Variants in NIM1K observed in about 807,000 individuals in gnomAD.
NIM1K encodes NIM1 serine/threonine protein kinase.
Under a neutral mutation model 37.1 loss-of-function variants are expected in NIM1K, and 35 were observed. That is an observed-to-expected ratio of 0.94 (90% CI 0.72 to 1.25). NIM1K has a LOEUF of 1.25. Ranked by LOEUF, NIM1K falls within the 50% of genes most tolerant of loss-of-function variation. NIM1K has a pLI of 0.00. For synonymous variants in NIM1K, 234 were observed against 206.6 expected, an observed-to-expected ratio of 1.13 and a Z score of -1.14; for missense variants, 564 against 548.0, an observed-to-expected ratio of 1.03 and a Z score of -0.29.
chr5:43,199,232 T>G (rs1464961387), intron 1 of NIM1K, among the ~76,000 whole-genome samples: 1 of 112,328 alleles, frequency 8.9e-6, no homozygotes, highest in African/African-American at 3.2e-5. Context: ...TATATATATA[T>G]ATATATGAAA....
chr5:43,228,767 G>T (rs1384313600), intron 1 of NIM1K, among the ~76,000 whole-genome samples: 2 of 152,194 alleles, frequency 1.3e-5, no homozygotes, highest in Middle Eastern at 6.8e-3. Flanking sequence ...GGAGGTGGAG[G>T]TTGCAGTGAA....
chr5:43,195,599 T>C (rs1483949959), intron 1 of NIM1K, among the ~76,000 whole-genome samples: 1 of 149,050 alleles, frequency 6.7e-6, no homozygotes, highest in Non-Finnish European at 1.5e-5. Context: ...GGTTCAAGGC[T>C]GCAGTGAGCT....
intron 2 of NIM1K, among the ~76,000 whole-genome samples, chr5:43,263,481 C>T (rs1753068636): frequency 6.6e-6 from 1 of 151,254 alleles, no homozygotes. Flanking sequence ...TTTATTGCCT[C>T]TATTTGATTC....
chr5:43,278,833 G>T (rs1235079137), intron 3 of NIM1K, among the ~76,000 whole-genome samples: 1 of 152,200 alleles, frequency 6.6e-6, no homozygotes, highest in East Asian at 1.9e-4. Flanking sequence ...AAAGAAGTGA[G>T]CCAGGGAGAA....
chr5:43,263,605 G>T (rs976179116), intron 2 of NIM1K, among the ~76,000 whole-genome samples: 39 of 148,828 alleles, frequency 2.6e-4, no homozygotes, highest in African/African-American at 9.1e-4. Flanking sequence ...AAGGGTTTTT[G>T]GTGTCTCCAT....
chr5:43,219,914 A>G (rs547961657), intron 1 of NIM1K, among the ~76,000 whole-genome samples: 2 of 152,200 alleles, frequency 1.3e-5, no homozygotes, highest in East Asian at 3.9e-4. Context: ...TTTAATAGAG[A>G]CAGGGTTTCA....
intron 2 of NIM1K, among the ~76,000 whole-genome samples, chr5:43,260,837 AC>A (rs1201770071): frequency 6.6e-6 from 1 of 151,348 alleles, no homozygotes; most frequent in African/African-American, 2.4e-5. Flanking sequence ...TTCAATTCCC[AC>A]CTATGAGTGA....
At chr5:43,243,588 G>A (rs943262504) in intron 1 of NIM1K, among the ~76,000 whole-genome samples, 4 of 152,172 alleles carry the variant, frequency 2.6e-5, no homozygotes, top group African/African-American at 9.7e-5. Context: ...CACTTTGGGA[G>A]GTAGAGGTGG....
intron 1 of NIM1K, among the ~76,000 whole-genome samples, chr5:43,204,258 ATT>A (rs1752076759): frequency 6.7e-6 from 1 of 149,964 alleles, no homozygotes; most frequent in African/African-American, 2.4e-5. Context: ...TAATTTTTGT[ATT>A]TTTAGTAGAG....
intron 1 of NIM1K, among the ~76,000 whole-genome samples, chr5:43,196,233 C>T (rs1751912247): frequency 6.6e-6 from 1 of 152,180 alleles, no homozygotes; most frequent in Non-Finnish European, 1.5e-5. Flanking sequence ...TATGGATACA[C>T]TTGATTACAT....
chr5:43,246,307 T>A (rs1752778566), intron 2 of NIM1K, among the ~76,000 whole-genome samples: 1 of 152,210 alleles, frequency 6.6e-6, no homozygotes, highest in Non-Finnish European at 1.5e-5. Context: ...AAGGCAAATG[T>A]GTCTTCAGTT....
chr5:43,200,959 A>G (rs1299094059), intron 1 of NIM1K, among the ~76,000 whole-genome samples: 1 of 151,910 alleles, frequency 6.6e-6, no homozygotes, highest in African/African-American at 2.4e-5. Context: ...CCCTGTCTCT[A>G]CTAAAAACTA....
At chr5:43,274,027 G>A (rs1753300458) in intron 2 of NIM1K, among the ~76,000 whole-genome samples, 1 of 152,206 alleles carries the variant, frequency 6.6e-6, no homozygotes, top group Admixed American at 6.5e-5. Flanking sequence ...TAGCGACAAT[G>A]TGGAATACCA....
intron 1 of NIM1K, among the ~76,000 whole-genome samples, chr5:43,227,453 T>C (rs1268005204): frequency 1.3e-5 from 2 of 152,300 alleles, no homozygotes; most frequent in Non-Finnish European, 2.9e-5. Flanking sequence ...GCTAACAATA[T>C]TTCTTATACT....
chr5:43,243,527 T>A (rs1752734829), intron 1 of NIM1K, among the ~76,000 whole-genome samples: 1 of 152,084 alleles, frequency 6.6e-6, no homozygotes, highest in Non-Finnish European at 1.5e-5. Flanking sequence ...CCAGGATGAT[T>A]AAGAATCAGT....
chr5:43,229,384 C>CAAAAA (rs58730944), intron 1 of NIM1K, among the ~76,000 whole-genome samples: 7 of 89,966 alleles, frequency 7.8e-5, no homozygotes, highest in Admixed American at 1.4e-4. Context: ...AACTCCATCT[C>CAAAAA]AAAAAAAAAA....
chr5:43,232,879 T>A (rs753473627), intron 1 of NIM1K: 1 of 1,136,446 alleles, frequency 8.8e-7, no homozygotes. Context: ...ACTGGAAGCA[T>A]CTTCCTTGCC....
intron 2 of NIM1K, among the ~76,000 whole-genome samples, chr5:43,262,422 G>A (rs1487237593): frequency 6.6e-6 from 1 of 152,044 alleles, no homozygotes; most frequent in African/African-American, 2.4e-5. Flanking sequence ...TCTGTTATTG[G>A]TAGAGGAATG....
At chr5:43,257,410 C>G (rs568223727) in intron 2 of NIM1K, among the ~76,000 whole-genome samples, 1 of 138,694 alleles carries the variant, frequency 7.2e-6, no homozygotes, top group African/African-American at 2.7e-5. Flanking sequence ...CTCTGTCACC[C>G]AGGCTGGGGT....
Sources: allele counts gnomAD v4.1 joint callset (sites outside exome capture counted in the v4.1 genomes callset), GRCh38; gene constraint gnomAD v4.1.1; transcripts MANE v1.5; gene names NCBI Gene and HGNC (gene_info 2026-07-23, HGNC 2026-07-21).